Variants in LAMA1 observed in about 807,000 individuals in gnomAD.
LAMA1 encodes the protein laminin subunit alpha 1, also known as laminin subunit alpha-1.
LAMA1 carries 219 observed loss-of-function variants against 348.7 expected under a neutral mutation model. The ratio of observed to expected loss-of-function variants is 0.63; its 90% CI spans 0.56 to 0.70. LAMA1 has a LOEUF of 0.70. Ranked by LOEUF, LAMA1 falls within the 30% of genes least tolerant of loss-of-function variation. The pLI, the probability that LAMA1 is intolerant of heterozygous loss-of-function variation, is 0.00. For missense variants in LAMA1, 3,744 were observed against 3,888.0 expected (o/e 0.96, Z 0.99); for synonymous variants, 1,487 against 1,491.0 (o/e 1.00, Z 0.06).
In LAMA1 at chr18:7,037,744, C is replaced by T. The variant is rs748013058; in HGVS notation, c.1571G>A (p.Ser524Asn). Reference protein sequence around the residue: ...SLSWPVGQVNSMSGWLVTDLI... With the variant: ...SLSWPVGQVNNMSGWLVTDLI... Reference sequence around the variant, plus strand: ...GTCGGTGACCAGCCACCCGGACATACTGTTTACCTTAAAAACAAATTCAAG... The same window carrying T: ...GTCGGTGACCAGCCACCCGGACATATTGTTTACCTTAAAAACAAATTCAAG... The change falls in exon 12 of 63, where the codon AGT (serine) becomes AAT (asparagine). Residue 524 changes from serine (S) to asparagine (N), a missense_variant. Physicochemically the swap from Ser to Asn is conservative, Grantham distance 46. Coordinates refer to ENST00000389658, the MANE Select transcript of LAMA1 (RefSeq NM_005559.4). The T allele has an allele frequency of 1.9e-6, 3 of 1,614,162 alleles. No homozygotes were observed. In the East Asian group the frequency reaches 6.7e-5, roughly 36 times the overall value.
intron 3 of LAMA1, among the ~76,000 whole-genome samples, chr18:7,057,886 C>A (rs2143740763): frequency 6.6e-6 from 1 of 152,006 alleles, no homozygotes; most frequent in East Asian, 1.9e-4. Flanking sequence ...CCTCCACCTC[C>A]TGGGCTCAAG....
intron 1 of LAMA1, among the ~76,000 whole-genome samples, chr18:7,085,699 T>C (rs896283415): frequency 6.6e-6 from 1 of 152,164 alleles, no homozygotes; most frequent in Non-Finnish European, 1.5e-5. Flanking sequence ...ATTACAGGCG[T>C]GAGCCACCGC....
At chr18:7,015,684 A>G (rs1485764241) in intron 22 of LAMA1, 38 bp downstream of exon 22, 1 of 1,611,812 alleles carries the variant, frequency 6.2e-7, no homozygotes, top group Non-Finnish European at 8.5e-7. Context: ...CAGCAAAGCA[A>G]CTCTCAGTTA....
intron 1 of LAMA1, among the ~76,000 whole-genome samples, chr18:7,109,731 C>T (rs545067474): frequency 5.9e-5 from 9 of 152,032 alleles, no homozygotes; most frequent in Non-Finnish European, 1.0e-4. Context: ...TGGAGAAGGG[C>T]GGGGTGACTG....
At chr18:7,086,639 G>C (rs1163459499) in intron 1 of LAMA1, among the ~76,000 whole-genome samples, 2 of 152,030 alleles carry the variant, frequency 1.3e-5, no homozygotes, top group East Asian at 3.9e-4. Context: ...AACGGCCCTA[G>C]GACAGTGTCT....
In LAMA1 at chr18:6,955,388, G is replaced by GA; in HGVS notation, c.8171dup (p.Ile2725HisfsTer5). On this transcript the variant is annotated frameshift_variant, in exon 57 of 63. Coordinates refer to ENST00000389658, the MANE Select transcript of LAMA1 (RefSeq NM_005559.4). LOFTEE classifies it high-confidence loss of function. ...CAGCCGACTGATTAAAAGGCAAGAT[G>GA]AAATGGCTGTTTTGTGTGAGACCAA... The GA allele has an allele frequency of 6.2e-7, 1 of 1,614,138 alleles. No homozygotes were observed. The highest frequency in any genetic ancestry group is 8.5e-7 in the Non-Finnish European group (1 of 1,180,016).
chr18:7,087,355 T>C (rs2058221938), intron 1 of LAMA1, among the ~76,000 whole-genome samples: 1 of 152,182 alleles, frequency 6.6e-6, no homozygotes, highest in Admixed American at 6.5e-5. Flanking sequence ...GGAAAGTTGC[T>C]CCTTCACAAC....
intron 16 of LAMA1, 85 bp from the exon 17 acceptor site, chr18:7,026,191 A>G (rs2057942439): frequency 7.8e-7 from 1 of 1,277,152 alleles, no homozygotes; most frequent in Admixed American, 2.2e-5. Context: ...GTCCAAGCGG[A>G]AAAAAAAAAG....
At chr18:6,984,048 A>G (rs1600371794) in intron 39 of LAMA1, among the ~76,000 whole-genome samples, 2 of 152,348 alleles carry the variant, frequency 1.3e-5, no homozygotes, top group Non-Finnish European at 2.9e-5. Context: ...ATACGAAGTA[A>G]TAAAGATTTT....
At position 7,098,816 on chromosome 18, in the gene LAMA1, C is replaced by T. The variant is rs1388897438; in HGVS notation, c.62-18359G>A. Reference sequence around the variant, plus strand: ...CTGGGAAGTGAGGAGCCCCTCTGCCCGGCCACCGCCCCGTCCGGGAGGGAG... The same window carrying T: ...CTGGGAAGTGAGGAGCCCCTCTGCCTGGCCACCGCCCCGTCCGGGAGGGAG... On this transcript the variant is annotated intron_variant, in intron 1 of 62. Coordinates refer to ENST00000389658, the MANE Select transcript of LAMA1 (RefSeq NM_005559.4). 2.3e-3 allele frequency among the ~76,000 whole-genome samples: 289 copies of T among 127,204 alleles called. 12 individuals are homozygous for T. The highest frequency in any genetic ancestry group is 4.8e-3 in the Admixed American group (59 of 12,222). The allele number at this position is 127,204 out of a possible 152,430, so 83.5% of individuals were successfully genotyped here. A position where few individuals can be genotyped will look rare whatever the true frequency, so the allele number is the denominator to read the frequency against.
In LAMA1 at chr18:6,950,279, C is replaced by T. The variant is rs138592506; in HGVS notation, c.8397+503G>A. Among the ~76,000 whole-genome samples, 793 of 152,300 alleles carry T rather than the reference C, an allele frequency of 5.2e-3. 7 individuals carry two copies. Among genetic ancestry groups the T allele is most frequent in the African/African-American group, 0.018 (748 of 41,572 alleles). ...CCTAGTCCTTGAATTCTTGGGGAGG[C>T]GGCTTTGAGAATTATCTCCTGGCAA... On this transcript the variant is annotated intron_variant, in intron 58 of 62. Coordinates refer to ENST00000389658, the MANE Select transcript of LAMA1 (RefSeq NM_005559.4).
intron 1 of LAMA1, among the ~76,000 whole-genome samples, chr18:7,098,947 A>AG (rs1354732366): frequency 6.6e-6 from 1 of 151,266 alleles, no homozygotes; most frequent in African/African-American, 2.4e-5. Flanking sequence ...CTGCCCGGCC[A>AG]CCACCCCGTC....
intron 16 of LAMA1, among the ~76,000 whole-genome samples, 187 bp downstream of exon 16, chr18:7,031,879 C>T (rs373011991): frequency 1.1e-5 from 1 of 89,654 alleles, no homozygotes; most frequent in African/African-American, 5.7e-5. Context: ...TAACTTTTTT[C>T]AAAAAAAAAA....
At chr18:7,004,306 G>T (rs1219626214) in intron 29 of LAMA1, among the ~76,000 whole-genome samples, 1 of 152,176 alleles carries the variant, frequency 6.6e-6, no homozygotes, top group Non-Finnish European at 1.5e-5. Context: ...CCAGGCTACC[G>T]CCCTTGTCCT....
rs376219041 is a variant in LAMA1 at position 6,961,662 on chromosome 18, G to A, written c.7550C>T (p.Thr2517Met). ...ESEWLVTFAT[T>M]NSSGIILAAL... ...AGCCAGGATGATGCCACTGCTGTTC[G>A]TGGTGGCAAATGTTACCAGCCATTC... is the stretch of plus-strand genomic sequence containing the variant. Residue 2517 changes from threonine (T) to methionine (M), a missense_variant, in exon 53 of 63, where the codon ACG becomes ATG. By Grantham distance (81) the Thr-to-Met change is moderately conservative (BLOSUM62 -1). This residue lies in a region of LAMA1 where 1,983 missense variants were observed against 1,934.3 expected (regional missense o/e 1.03). Transcript: ENST00000389658. 7.2e-5 allele frequency: 116 copies of A among 1,614,132 alleles called. No homozygotes were observed. The African/African-American group carries it at 1.3e-3, about 17-fold the overall frequency.
intron 44 of LAMA1, 21 bp downstream of exon 44, chr18:6,977,706 G>C: frequency 1.2e-6 from 2 of 1,613,732 alleles, no homozygotes; most frequent in Non-Finnish European, 1.7e-6. Flanking sequence ...AGTTACGAAA[G>C]CCACGGGGCC....
rs570865672 is a variant in LAMA1 at position 6,955,424 on chromosome 18, G to T, written c.8136C>A (p.Gly2712=). 1.3e-5 allele frequency: 21 copies of T among 1,613,958 alleles called. No homozygotes were observed. Among genetic ancestry groups the T allele is most frequent in the Admixed American group, 1.0e-4 (6 of 59,980 alleles). The change falls in exon 57 of 63, where the codon GGC becomes GGA. Residue 2712 remains glycine (G), a synonymous_variant. Transcript: ENST00000389658. The part of the protein sequence containing the change: ...VVDAALEYVP[G]AHQFGLTQNS... ...TTTGTGTGAGACCAAACTGGTGAGC[G>T]CCGGGAACGTACTCCAGAGCTGCAT...
chr18:6,997,053 T>G (rs1020420848), intron 33 of LAMA1, among the ~76,000 whole-genome samples: 1 of 150,902 alleles, frequency 6.6e-6, no homozygotes, highest in Non-Finnish European at 1.5e-5. Context: ...TCTGCTTTTC[T>G]TCTCTTTTTC....
chr18:7,014,405 G>A (rs2057875950), intron 22 of LAMA1, among the ~76,000 whole-genome samples: 1 of 152,140 alleles, frequency 6.6e-6, no homozygotes, highest in Non-Finnish European at 1.5e-5. Flanking sequence ...AAGATCACTT[G>A]AGCCCAGGAG....
Sources: gnomAD v4.1 joint callset for allele counts (sites outside exome capture counted in the v4.1 genomes callset) on GRCh38, gnomAD v4.1.1 for gene constraint, gnomAD v4.1.1 regional missense constraint, MANE v1.5 for transcripts, NCBI Gene and HGNC (gene_info 2026-07-23, HGNC 2026-07-21) for gene names.